PRR14L: variants seen among roughly 807,000 people sequenced by gnomAD.
PRR14L encodes the protein proline rich 14 like, also known as protein PRR14L.
A neutral mutation model predicts 155.0 loss-of-function variants in PRR14L; 80 were observed. That is an observed-to-expected ratio of 0.52 (90% CI 0.43 to 0.62). The LOEUF is 0.62. Among genes scored for constraint, PRR14L ranks in the 20% least tolerant of loss-of-function variants. The pLI is 0.00. For synonymous variants in PRR14L, 883 were observed against 916.0 expected (o/e 0.96, Z 0.65); for missense variants, 2,469 against 2,548.0 (o/e 0.97, Z 0.67).
intron 2 of PRR14L, among the ~76,000 whole-genome samples, chr22:31,735,177 C>T (rs1048710693): frequency 3.3e-5 from 5 of 152,188 alleles, no homozygotes; most frequent in Non-Finnish European, 5.9e-5. Flanking sequence ...CGGTGGCTTG[C>T]GCCTGTAATC....
chr22:31,700,642 C>T (rs1399069571), intron 7 of PRR14L, among the ~76,000 whole-genome samples: 3 of 152,232 alleles, frequency 2.0e-5, no homozygotes, highest in South Asian at 2.1e-4. Flanking sequence ...CCGCAACCTC[C>T]GCCTCCTGGG....
intron 2 of PRR14L, among the ~76,000 whole-genome samples, chr22:31,737,702 C>T (rs1325648278): frequency 6.6e-6 from 1 of 151,898 alleles, no homozygotes; most frequent in Non-Finnish European, 1.5e-5. Context: ...ACTAACCAAC[C>T]TCTCTGGGTA....
At position 31,725,555 on chromosome 22, in the gene PRR14L, T is replaced by C; in HGVS notation, c.530A>G (p.Asp177Gly). 1 of 1,550,354 alleles carries C rather than the reference T, an allele frequency of 6.5e-7. No individual in the cohort carries two copies. The highest frequency in any genetic ancestry group is 1.4e-5 in the African/African-American group (1 of 73,100). Residue 177 changes from aspartate (D) to glycine (G), a missense_variant, in exon 3 of 9, where the codon GAT becomes GGT. Physicochemically the swap from Asp to Gly is moderately conservative, Grantham distance 94. Coordinates refer to ENST00000327423, the MANE Select transcript of PRR14L (RefSeq NM_173566.3). ...KELSHVDLPE[D>G]FLRSKEGNVQ... ...ATAAATACCTTTGCTCCTTAGAAAA[T>C]CTTCAGGGAGGTCCACATGTGAAAG...
intron 7 of PRR14L, among the ~76,000 whole-genome samples, chr22:31,692,642 G>C (rs2074517148): frequency 6.6e-6 from 1 of 152,054 alleles, no homozygotes; most frequent in South Asian, 2.1e-4. Context: ...TGTTTTTTGT[G>C]GGAGAGAGTT....
chr22:31,711,511 T>C (rs1031967134), intron 4 of PRR14L, among the ~76,000 whole-genome samples: 2 of 151,808 alleles, frequency 1.3e-5, no homozygotes, highest in African/African-American at 4.8e-5. Flanking sequence ...GCAGCCTGGT[T>C]GGCTTATGCA....
intron 1 of PRR14L, among the ~76,000 whole-genome samples, chr22:31,740,206 TCAC>T (rs1455586875): frequency 6.6e-6 from 1 of 151,714 alleles, no homozygotes; most frequent in Non-Finnish European, 1.5e-5. Context: ...CAGGTGCACA[TCAC>T]CACACCTGGC....
intron 7 of PRR14L, among the ~76,000 whole-genome samples, chr22:31,693,096 T>G (rs2074519186): frequency 6.6e-6 from 1 of 152,188 alleles, no homozygotes; most frequent in Admixed American, 6.6e-5. Context: ...ATTGATACAT[T>G]ATTATCACCC....
Position 31,721,684 on chromosome 22 carries a change from A to G in PRR14L, c.547+3854T>C, listed in dbSNP as rs558706253. 7.2e-5 allele frequency among the ~76,000 whole-genome samples: 11 copies of G among 152,354 alleles called. No homozygotes were observed. In the East Asian group the frequency reaches 1.9e-3, roughly 27 times the overall value. Reference sequence around the variant, plus strand: ...TATTACATATTTCAAAATAGCCAGAAGAGAAGAATTTGAATGGTTCTACCA... The same window carrying G: ...TATTACATATTTCAAAATAGCCAGAGGAGAAGAATTTGAATGGTTCTACCA... On this transcript the variant is annotated intron_variant, in intron 3 of 8. Coordinates refer to ENST00000327423, the MANE Select transcript of PRR14L (RefSeq NM_173566.3).
rs1380578278 is a variant in PRR14L, at chr22:31,684,926, T to C, written c.*601A>G. ...GGCTCCTCTGGCACTAGTGACCCAG[T>C]CACAGAGGGGAGAAAACGATGGGAA... On this transcript the variant is annotated 3_prime_UTR_variant, in exon 9 of 9. Coordinates refer to ENST00000327423, the MANE Select transcript of PRR14L (RefSeq NM_173566.3). 1 of 152,296 alleles carries C rather than the reference T, an allele frequency of 6.6e-6. No homozygotes were observed. The highest frequency in any genetic ancestry group is 2.4e-5 in the African/African-American group (1 of 41,404). 9.4% of individuals were successfully genotyped at this position (152,296 alleles called of 1,614,324 possible).
intron 7 of PRR14L, among the ~76,000 whole-genome samples, chr22:31,694,624 C>T (rs1164760884): frequency 5.9e-5 from 9 of 151,466 alleles, no homozygotes; most frequent in Non-Finnish European, 1.0e-4. Context: ...TGGTGGCGGG[C>T]GCCTGTAGTC....
chr22:31,693,469 A>G (rs2074521041), intron 7 of PRR14L, among the ~76,000 whole-genome samples: 1 of 152,228 alleles, frequency 6.6e-6, no homozygotes, highest in African/African-American at 2.4e-5. Flanking sequence ...TTATTCATTC[A>G]GCTACTGACG....
chr22:31,733,985 T>C (rs1313103486), intron 2 of PRR14L, among the ~76,000 whole-genome samples: 2 of 152,038 alleles, frequency 1.3e-5, no homozygotes, highest in East Asian at 1.9e-4. Context: ...TTTCTTTTTC[T>C]TTTTTTGAAA....
At chr22:31,741,928 C>A (rs1270469707) in intron 1 of PRR14L, among the ~76,000 whole-genome samples, 3 of 152,118 alleles carry the variant, frequency 2.0e-5, no homozygotes, top group Non-Finnish European at 2.9e-5. Flanking sequence ...CCCCTTTCTC[C>A]TTTATTTCCA....
Position 31,713,140 on chromosome 22 carries a change from A to G in PRR14L, c.4699T>C (p.Leu1567=), listed in dbSNP as rs2074633179. Residue 1567 remains leucine, a synonymous_variant, in exon 4 of 9, where the codon TTG becomes CTG. Coordinates refer to ENST00000327423, the MANE Select transcript of PRR14L (RefSeq NM_173566.3). ...IPTKAHRLLS[L]CTLSAPTRLE... Reference sequence around the variant, plus strand: ...CGTGTAGGTGCAGACAGAGTACACAAACTGAGAAGTCTGTGCGCTTTTGTG... The same window carrying G: ...CGTGTAGGTGCAGACAGAGTACACAGACTGAGAAGTCTGTGCGCTTTTGTG... 1 of 1,551,748 alleles carries G rather than the reference A, an allele frequency of 6.4e-7. No homozygotes were observed. The highest frequency in any genetic ancestry group is 8.7e-7 in the Non-Finnish European group (1 of 1,146,888).
chr22:31,747,988 C>A (rs1276356432), intron 1 of PRR14L, among the ~76,000 whole-genome samples: 1 of 143,488 alleles, frequency 7.0e-6, no homozygotes, highest in African/African-American at 2.6e-5. Flanking sequence ...CAGCAACAAG[C>A]AAAAAAAAAA....
intron 7 of PRR14L, among the ~76,000 whole-genome samples, chr22:31,691,338 C>T (rs553067619): frequency 5.3e-5 from 8 of 152,192 alleles, no homozygotes; most frequent in African/African-American, 1.9e-4. Flanking sequence ...AGCGATCCTC[C>T]AGTCTCAGCC....
At chr22:31,746,951 C>A (rs1034775432) in intron 1 of PRR14L, among the ~76,000 whole-genome samples, 9 of 151,938 alleles carry the variant, frequency 5.9e-5, no homozygotes, top group African/African-American at 2.2e-4. Context: ...TGCCCGCCAC[C>A]ACGCCTGGCT....
intron 1 of PRR14L, among the ~76,000 whole-genome samples, chr22:31,748,893 C>T (rs1013703): frequency 0.15 from 22,729 of 152,022 alleles, 2,030 homozygotes; most frequent in African/African-American, 0.24. Flanking sequence ...TATTGAACAG[C>T]AGGATCTAAG....
In PRR14L at chr22:31,704,706, A is replaced by C; in HGVS notation, c.5777T>G (p.Val1926Gly). 1 of 1,613,998 alleles carries C rather than the reference A, an allele frequency of 6.2e-7. No individual in the cohort carries two copies. The highest frequency in any genetic ancestry group is 8.5e-7 in the Non-Finnish European group (1 of 1,179,906). ...TGTAGCTTCCATGCCTGGAAGAGGC[A>C]CATATGGTAACATGGTGTGGCTAAA... The part of the protein sequence containing the change: ...TTSSHTMLPY[V>G]PLPGMEATYN... Residue 1926 changes from valine to glycine, a missense_variant, in exon 5 of 9, where the codon GTG becomes GGG. Physicochemically the swap from Val to Gly is moderately radical, Grantham distance 109. Coordinates refer to ENST00000327423, the MANE Select transcript of PRR14L (RefSeq NM_173566.3).
Sources: allele counts gnomAD v4.1 joint callset (sites outside exome capture counted in the v4.1 genomes callset), GRCh38; gene constraint gnomAD v4.1.1; transcripts MANE v1.5; gene names NCBI Gene and HGNC (gene_info 2026-07-23, HGNC 2026-07-21).